Variants in CCDC15 observed in about 807,000 individuals in gnomAD.
The protein encoded by CCDC15 is coiled-coil domain containing 15.
Under a neutral mutation model 114.5 loss-of-function variants are expected in CCDC15, and 105 were observed. The observed-to-expected ratio is 0.92, with a 90% CI of 0.78 to 1.08. The LOEUF (loss-of-function observed/expected upper bound fraction) is 1.08. CCDC15 is among the 50% of genes least tolerant of loss of function. The probability of loss-of-function intolerance (pLI) is 0.00; values close to 1 mark genes in which losing one functional copy is unlikely to be tolerated. For synonymous variants in CCDC15, 334 were observed against 377.8 expected (o/e 0.88, Z 1.34); for missense variants, 1,105 against 1,093.6 (o/e 1.01, Z -0.15).
chr11:124,979,524 A>G (rs865784143), intron 6 of CCDC15, among the ~76,000 whole-genome samples: 1 of 151,950 alleles, frequency 6.6e-6, no homozygotes, highest in Non-Finnish European at 1.5e-5. Flanking sequence ...ATTCCTAGGT[A>G]TTTTATTCTT....
chr11:125,023,082 AGTC>A (rs1239263225), intron 13 of CCDC15, among the ~76,000 whole-genome samples: 12 of 151,928 alleles, frequency 7.9e-5, no homozygotes, highest in Admixed American at 6.6e-5. Flanking sequence ...TTATTTAACA[AGTC>A]TTTGCCTAAC....
intron 4 of CCDC15, among the ~76,000 whole-genome samples, chr11:124,973,103 T>G (rs1487356701): frequency 6.6e-6 from 1 of 152,180 alleles, no homozygotes; most frequent in Non-Finnish European, 1.5e-5. Flanking sequence ...GGTGAAGGGT[T>G]ATGGTAACTA....
At chr11:124,990,214 G>T (rs963513973) in intron 8 of CCDC15, among the ~76,000 whole-genome samples, 1 of 152,134 alleles carries the variant, frequency 6.6e-6, no homozygotes, top group African/African-American at 2.4e-5. Flanking sequence ...AGAGGTAGGG[G>T]GGTGGCCAGG....
chr11:125,007,899 G>A (rs1480710135), intron 13 of CCDC15, among the ~76,000 whole-genome samples: 1 of 152,170 alleles, frequency 6.6e-6, no homozygotes, highest in African/African-American at 2.4e-5. Context: ...AGGTCGTTTG[G>A]TTCTATACCT....
intron 10 of CCDC15, 146 bp from the exon 11 acceptor site, chr11:124,993,023 A>T: frequency 3.8e-6 from 2 of 521,478 alleles, no homozygotes; most frequent in Non-Finnish European, 6.7e-6. Flanking sequence ...GGAAATTTTT[A>T]TGTTGAACAC....
At chr11:124,993,644 A>T (rs1948309738) in intron 11 of CCDC15, among the ~76,000 whole-genome samples, 1 of 152,220 alleles carries the variant, frequency 6.6e-6, no homozygotes, top group Non-Finnish European at 1.5e-5. Flanking sequence ...TATATTTTAC[A>T]TGAAATCCAA....
rs370272929 is a variant in CCDC15 at position 124,965,327 on chromosome 11, T to C, written c.516+5324T>C. Reference sequence around the variant, plus strand: ...ATTGCCTCAATTTCAGAGCCTGTTATTGGTCTGTGCAAGGATTCAACTTCT... The same window carrying C: ...ATTGCCTCAATTTCAGAGCCTGTTACTGGTCTGTGCAAGGATTCAACTTCT... On this transcript the variant is annotated intron_variant, in intron 4 of 15. Coordinates refer to ENST00000344762, the MANE Select transcript of CCDC15 (RefSeq NM_025004.3). Among the ~76,000 whole-genome samples the C allele has an allele frequency of 1.3e-4, 20 of 152,346 alleles. 1 individual carries two copies. Among genetic ancestry groups the C allele is most frequent in the African/African-American group, 4.6e-4 (19 of 41,590 alleles).
At chr11:124,962,913 C>T (rs1346602876) in intron 4 of CCDC15, among the ~76,000 whole-genome samples, 2 of 152,144 alleles carry the variant, frequency 1.3e-5, no homozygotes, top group Non-Finnish European at 2.9e-5. Context: ...GGTTTTCTGT[C>T]CTTGAGATAG....
At chr11:125,039,195 C>T (rs1251359408) in intron 15 of CCDC15, 126 bp downstream of exon 15, 2 of 815,058 alleles carry the variant, frequency 2.5e-6, no homozygotes, top group Non-Finnish European at 3.5e-6. Flanking sequence ...AAACCCTTTA[C>T]AAAATAACTA....
rs1555068495 is a variant in CCDC15, at chr11:124,986,700, T to TGCGC, written c.754-32_754-29dup. 1,145 of 1,352,612 alleles carry TGCGC rather than the reference T, an allele frequency of 8.5e-4. 11 individuals carry two copies. In the African/African-American group the frequency reaches 0.014, roughly 16 times the overall value. 83.8% of individuals were successfully genotyped at this position (1,352,612 alleles called of 1,614,324 possible). A position where few individuals can be genotyped will look rare whatever the true frequency, so the allele number is the denominator to read the frequency against. The stretch of plus-strand genomic sequence containing the variant: ...GTGTGTGTGTGTGTGTTTGTGTGTG[T>TGCGC]GCGCGCGCGCGCGTGCGCGTTTTCA... On this transcript the variant is annotated intron_variant, in intron 6 of 15. Coordinates refer to ENST00000344762, the MANE Select transcript of CCDC15 (RefSeq NM_025004.3).
intron 5 of CCDC15, among the ~76,000 whole-genome samples, chr11:124,975,614 A>G (rs936825468): frequency 2.0e-5 from 3 of 152,162 alleles, no homozygotes; most frequent in African/African-American, 7.2e-5. Flanking sequence ...CTAGTTGGGA[A>G]GCATATAATA....
chr11:124,974,544 G>T (rs1038582634), intron 4 of CCDC15, among the ~76,000 whole-genome samples: 6 of 152,154 alleles, frequency 3.9e-5, no homozygotes, highest in African/African-American at 1.4e-4. Context: ...ATTTAGGAAG[G>T]CTTCTTGGAG....
At chr11:124,964,041 G>C (rs1947721575) in intron 4 of CCDC15, among the ~76,000 whole-genome samples, 2 of 152,170 alleles carry the variant, frequency 1.3e-5, no homozygotes, top group Non-Finnish European at 2.9e-5. Context: ...TTTGGTTACT[G>C]TAACCTTGTA....
chr11:125,003,695 C>T (rs73620909), intron 11 of CCDC15, among the ~76,000 whole-genome samples, 172 bp from the exon 12 acceptor site: 476 of 152,092 alleles, frequency 3.1e-3, no homozygotes, highest in African/African-American at 0.01. Flanking sequence ...CCTTCTGAAA[C>T]GGCTTCCTTT....
In CCDC15 at chr11:124,992,683, A is replaced by G. The variant is rs371072690; in HGVS notation, c.2135A>G (p.Glu712Gly). The G allele has an allele frequency of 1.1e-5, 17 of 1,536,942 alleles. No homozygotes were observed. The highest frequency in any genetic ancestry group is 1.4e-5 in the Non-Finnish European group (16 of 1,121,618). Residue 712 changes from glutamate to glycine, a missense_variant, in exon 10 of 16, where the codon GAA becomes GGA. Glu to Gly is a moderately conservative substitution (Grantham distance 98, BLOSUM62 -2). Coordinates refer to ENST00000344762, the MANE Select transcript of CCDC15 (RefSeq NM_025004.3). ...PKIQDQDSPREQNKHIKLPSS... is the reference protein window; with the variant it reads ...PKIQDQDSPRGQNKHIKLPSS... ...ATCCAGGACCAAGACTCCCCTAGAG[A>G]ACAGGTAGAACCGAATACAGTAGGA... is the stretch of plus-strand genomic sequence containing the variant.
In CCDC15 at chr11:124,959,205, C is replaced by A. The variant is rs755396322; in HGVS notation, c.268C>A (p.Arg90=). The stretch of plus-strand genomic sequence containing the variant: ...ACATTTTCAGAAACAAGTTAAATAC[C>A]GAGTAAATCAACAAATTAGGTTGAG... ...LKHFQKQVKY[R]VNQQIRLRKK... is the part of the protein sequence containing the mutation. Residue 90 remains arginine, a synonymous_variant, in exon 3 of 16, where the codon CGA becomes AGA. Transcript: ENST00000344762. 4.4e-6 allele frequency: 7 copies of A among 1,584,980 alleles called. No individual in the cohort carries two copies. The African/African-American group carries it at 5.4e-5, about 12-fold the overall frequency.
intron 5 of CCDC15, among the ~76,000 whole-genome samples, chr11:124,975,537 C>T (rs1471359156): frequency 6.6e-5 from 10 of 152,134 alleles, no homozygotes; most frequent in Admixed American, 6.5e-4. Context: ...TGATTGCCAG[C>T]ATTGTTCTAG....
In CCDC15 at chr11:124,974,438, T is replaced by G. The variant is rs182552162; in HGVS notation, c.517-658T>G. On this transcript the variant is annotated intron_variant, in intron 4 of 15. Coordinates refer to ENST00000344762, the MANE Select transcript of CCDC15 (RefSeq NM_025004.3). ...CTGGAGATAAGGAATGAACACGAAA[T>G]CAACATTTAATATTAGTAGTCATTT... Among the ~76,000 whole-genome samples the G allele has an allele frequency of 1.5e-3, 234 of 152,344 alleles. 1 individual carries two copies. The highest frequency in any genetic ancestry group is 5.3e-3 in the African/African-American group (221 of 41,584).
chr11:125,006,557 T>C (rs945882679), intron 13 of CCDC15, among the ~76,000 whole-genome samples: 2 of 152,190 alleles, frequency 1.3e-5, no homozygotes, highest in African/African-American at 4.8e-5. Context: ...TCATGGATTG[T>C]GCCTTTGGTG....
Sources: allele counts gnomAD v4.1 joint callset (sites outside exome capture counted in the v4.1 genomes callset), GRCh38; gene constraint gnomAD v4.1.1; transcripts MANE v1.5; gene names NCBI Gene and HGNC (gene_info 2026-07-23, HGNC 2026-07-21).